The following MED1 variants were observed in gnomAD, a reference collection of about 807,000 sequenced individuals.
MED1 encodes the protein mediator complex subunit 1.
A neutral mutation model predicts 121.3 loss-of-function variants in MED1; 17 were observed. That is an observed-to-expected ratio of 0.14 (90% confidence interval 0.10 to 0.21). The LOEUF is 0.21. MED1 is among the 10% of genes least tolerant of loss of function. The probability of loss-of-function intolerance (pLI) is 1.00; values close to 1 mark genes in which losing one functional copy is unlikely to be tolerated. For missense variants in MED1, 1,558 were observed against 1,919.4 expected (o/e 0.81, Z 3.52); for synonymous variants, 661 against 694.4 (o/e 0.95, Z 0.76).
intron 10 of MED1, among the ~76,000 whole-genome samples, chr17:39,425,920 T>C (rs1465300345): frequency 6.6e-6 from 1 of 152,012 alleles, no homozygotes; most frequent in Admixed American, 6.6e-5. Context: ...TTTTGAAGGG[T>C]TCAGTATCAA....
At chr17:39,430,801 C>G (rs1382554947) in intron 9 of MED1, among the ~76,000 whole-genome samples, 1 of 151,934 alleles carries the variant, frequency 6.6e-6, no homozygotes. Context: ...GCCGATCAGT[C>G]GAGGCGAGGA....
intron 2 of MED1, among the ~76,000 whole-genome samples, chr17:39,446,355 CAGG>C (rs1467189048): frequency 6.9e-6 from 1 of 144,450 alleles, no homozygotes; most frequent in Non-Finnish European, 1.5e-5. Context: ...GAGGCTGAGG[CAGG>C]AGAACGGCAT....
chr17:39,412,533 CTTTTTTT>C (rs1170139893), intron 16 of MED1, among the ~76,000 whole-genome samples: 5 of 102,306 alleles, frequency 4.9e-5, no homozygotes, highest in South Asian at 3.2e-4. Flanking sequence ...GCAAATTTTT[CTTTTTTT>C]TTTTTTTTTT....
In MED1 at chr17:39,409,294, T is replaced by C. The variant is rs779648180; in HGVS notation, c.2927A>G (p.Asn976Ser). The change falls in exon 17 of 17, where the codon AAT (asparagine) becomes AGT (serine). Residue 976 changes from asparagine (N) to serine (S), a missense_variant. Asn to Ser is a conservative substitution (Grantham distance 46). Around this residue, in one of 5 missense-constraint regions of MED1, gnomAD observed 793 missense variants for 898.2 expected, o/e 0.88. Coordinates refer to ENST00000300651, the MANE Select transcript of MED1 (RefSeq NM_004774.4). ...CGAGAGAGTACTATTACTGGTGCCA[T>C]TGCCTTCCTTTACCCTCTTTTGAGT... Reference protein sequence around the residue: ...EKTQKRVKEGNGTSNSTLSGP... With the variant: ...EKTQKRVKEGSGTSNSTLSGP... The C allele has an allele frequency of 2.5e-6, 4 of 1,614,014 alleles. No homozygotes were observed. Among genetic ancestry groups the C allele is most frequent in the Admixed American group, 1.7e-5 (1 of 59,996 alleles).
Position 39,415,103 on chromosome 17 carries a change from A to G in MED1, c.1422T>C (p.His474=), listed in dbSNP as rs753600219. 5.0e-6 allele frequency: 8 copies of G among 1,614,048 alleles called. No homozygotes were observed. In the Admixed American group the frequency reaches 1.0e-4, roughly 20 times the overall value. ...GCCCTTTGTAGAGTTTACAGCTCAC[A>G]TGTGTTGAGTCCTGCACATCCATTA... ...CVVMDVQDST[H]VSCKLYKGLS... Residue 474 remains histidine (H), a synonymous_variant, in exon 16 of 17, where the codon CAT becomes CAC. Coordinates refer to ENST00000300651, the MANE Select transcript of MED1 (RefSeq NM_004774.4).
intron 16 of MED1, among the ~76,000 whole-genome samples, chr17:39,412,921 A>G (rs2144720675): frequency 6.6e-6 from 1 of 152,298 alleles, no homozygotes; most frequent in East Asian, 1.9e-4. Context: ...TATTAACTAG[A>G]AATCTGCCAC....
At position 39,440,680 on chromosome 17, in the gene MED1, A is replaced by G. The variant is rs770238127; in HGVS notation, c.212-3T>C. ...AGTCATTGCTGGTAAAGATGTTACT[A>G]TAAAAGGATGAAAAAAGGAGTCACA... On this transcript the variant is annotated splice_region_variant and splice_polypyrimidine_tract_variant and intron_variant, in intron 3 of 16. Coordinates refer to ENST00000300651, the MANE Select transcript of MED1 (RefSeq NM_004774.4). This position sits in a 1 kb window ranked among gnomAD's most constrained non-coding sequence, Gnocchi z 4.1. The G allele has an allele frequency of 1.9e-6, 3 of 1,611,522 alleles. No individual in the cohort carries two copies. Among genetic ancestry groups the G allele is most frequent in the Admixed American group, 1.7e-5 (1 of 59,588 alleles).
chr17:39,420,322 C>G (rs1186838428), intron 13 of MED1, among the ~76,000 whole-genome samples: 2 of 151,448 alleles, frequency 1.3e-5, no homozygotes, highest in African/African-American at 4.9e-5. Flanking sequence ...GCCTCAGCCT[C>G]CTGAGTAGCT....
intron 13 of MED1, 62 bp downstream of exon 13, chr17:39,423,265 A>G: frequency 2.5e-6 from 3 of 1,211,358 alleles, no homozygotes; most frequent in Non-Finnish European, 3.7e-6. Flanking sequence ...CTATAAAGGA[A>G]GATTATGATC....
chr17:39,447,755 T>C, intron 2 of MED1, 43 bp downstream of exon 2: 3 of 1,395,908 alleles, frequency 2.1e-6, no homozygotes, highest in Non-Finnish European at 3.0e-6. Context: ...TTAAGAATAA[T>C]TATCTAAGCA....
Position 39,408,232 on chromosome 17 carries a change from C to T in MED1, c.3989G>A (p.Gly1330Glu), listed in dbSNP as rs1314959860. 1 of 1,613,968 alleles carries T rather than the reference C, an allele frequency of 6.2e-7. No homozygotes were observed. Among genetic ancestry groups the T allele is most frequent in the Non-Finnish European group, 8.5e-7 (1 of 1,180,044 alleles). Residue 1330 changes from glycine (G) to glutamate (E), a missense_variant, in exon 17 of 17, where the codon GGG becomes GAG. By Grantham distance (98) the Gly-to-Glu change is moderately conservative (BLOSUM62 -2). Around this residue, in one of 5 missense-constraint regions of MED1, gnomAD observed 264 missense variants for 326.1 expected, o/e 0.81. Transcript: ENST00000300651. This position sits in a 1 kb window ranked among gnomAD's most constrained non-coding sequence, Gnocchi z 4.7. ...GGEDPLDGQM[G>E]VSTNSSSHPM... ...ATGGCTGGAAGAATTTGTGCTCACC[C>T]CCATCTGGCCGTCCAGTGGGTCTTC...
At position 39,410,544 on chromosome 17, in the gene MED1, A is replaced by G; in HGVS notation, c.1677T>C (p.Gly559=). 6.2e-7 allele frequency: 1 copy of G among 1,614,008 alleles called. No individual in the cohort carries two copies. Among genetic ancestry groups the G allele is most frequent in the Non-Finnish European group, 8.5e-7 (1 of 1,179,986 alleles). Residue 559 remains glycine, a synonymous_variant, in exon 17 of 17, where the codon GGT becomes GGC. Transcript: ENST00000300651. ...GAAAGGTGTTGGTTGGTGTAGTGGT[A>G]CCACTCATTGGGTTGTTGCCTGTGG... The part of the protein sequence containing the change: ...GMTTGNNPMS[G]TTTPTNTFPG...
intron 14 of MED1, among the ~76,000 whole-genome samples, chr17:39,418,995 C>T (rs1017957346): frequency 5.9e-5 from 9 of 152,170 alleles, no homozygotes; most frequent in South Asian, 4.2e-4. Flanking sequence ...ACTAGTTGGC[C>T]AGGATGGTCT....
At chr17:39,442,266 G>C (rs1175691058) in intron 3 of MED1, among the ~76,000 whole-genome samples, 2 of 152,048 alleles carry the variant, frequency 1.3e-5, no homozygotes, top group East Asian at 3.9e-4. Flanking sequence ...CTGGAAATTT[G>C]CTCCATAAAC....
chr17:39,434,775 G>A (rs536264765), intron 6 of MED1, among the ~76,000 whole-genome samples: 35 of 152,224 alleles, frequency 2.3e-4, no homozygotes, highest in Non-Finnish European at 4.9e-4. Context: ...AACAACAGGT[G>A]TGCACCACCA....
chr17:39,415,152 G>A (rs1567641381), intron 15 of MED1, 21 bp from the exon 16 acceptor site: 3 of 1,612,178 alleles, frequency 1.9e-6, no homozygotes, highest in Admixed American at 3.3e-5. Flanking sequence ...AAATACATAG[G>A]AAATTGTTTT....
intron 6 of MED1, among the ~76,000 whole-genome samples, chr17:39,435,610 G>A (rs79775343): frequency 0.01 from 1,573 of 152,168 alleles, 30 homozygotes; most frequent in African/African-American, 0.036. Context: ...AAAAAGAAAC[G>A]AGTAGCAGCA....
intron 7 of MED1, among the ~76,000 whole-genome samples, chr17:39,433,546 T>TATAC (rs540103395): frequency 2.0e-5 from 3 of 150,528 alleles, no homozygotes; most frequent in South Asian, 2.1e-4. Context: ...TATATATATA[T>TATAC]ACACACATAT....
At chr17:39,432,267 C>T (rs2048571848) in intron 7 of MED1, among the ~76,000 whole-genome samples, 3 of 140,226 alleles carry the variant, frequency 2.1e-5, no homozygotes, top group Admixed American at 8.0e-5. Context: ...TGCTTGAACC[C>T]GAGAGGAAGA....
Sources: allele counts gnomAD v4.1 joint callset (sites outside exome capture counted in the v4.1 genomes callset), GRCh38; gene constraint gnomAD v4.1.1; regional missense constraint gnomAD v4.1.1; non-coding constraint Gnocchi (gnomAD v3.1); transcripts MANE v1.5; gene names NCBI Gene and HGNC (gene_info 2026-07-23, HGNC 2026-07-21).